Variants in PTPN13 observed in about 807,000 individuals in gnomAD.
PTPN13 encodes protein tyrosine phosphatase non-receptor type 13.
Under a neutral mutation model 284.0 loss-of-function variants are expected in PTPN13, and 191 were observed. The ratio of observed to expected loss-of-function variants is 0.67; its 90% confidence interval spans 0.60 to 0.76. The LOEUF (loss-of-function observed/expected upper bound fraction) is 0.76, where lower values mean the gene tolerates loss of function less well. PTPN13 is among the 30% of genes least tolerant of loss of function. The pLI is 0.00. For missense variants in PTPN13, 2,797 were observed against 2,939.9 expected (o/e 0.95, Z 1.12); for synonymous variants, 986 against 1,022.3 (o/e 0.96, Z 0.68).
At chr4:86,664,134 AC>A (rs1382099771) in intron 2 of PTPN13, among the ~76,000 whole-genome samples, 2 of 152,170 alleles carry the variant, frequency 1.3e-5, no homozygotes, top group African/African-American at 4.8e-5. Flanking sequence ...CAGAATTCAC[AC>A]CAAAGTCCTC....
At chr4:86,805,548 T>C (rs994183521) in intron 44 of PTPN13, among the ~76,000 whole-genome samples, 179 bp downstream of exon 44, 21 of 152,222 alleles carry the variant, frequency 1.4e-4, no homozygotes, top group African/African-American at 5.1e-4. Context: ...TTAAATTATG[T>C]AGGTATTCTG....
At chr4:86,664,267 A>G (rs564983708) in intron 2 of PTPN13, among the ~76,000 whole-genome samples, 102 of 152,316 alleles carry the variant, frequency 6.7e-4, no homozygotes, top group African/African-American at 2.3e-3. Flanking sequence ...ATCTTAAATC[A>G]TACTTGAAAA....
rs11944714 is a variant in PTPN13, at chr4:86,713,486, A to G, written c.1196-3044A>G. On this transcript the variant is annotated intron_variant, in intron 7 of 47. Transcript: ENST00000411767. The stretch of plus-strand genomic sequence containing the variant: ...ATAATGAGCCAGAGGATTATTTTAA[A>G]TTGTTTATTTTATCATAAGACTTTC... Among the ~76,000 whole-genome samples the G allele has an allele frequency of 6.7e-3, 1,024 of 152,220 alleles. 10 individuals carry two copies. The highest frequency in any genetic ancestry group is 0.022 in the African/African-American group (923 of 41,564).
At chr4:86,768,772 G>A (rs188862528) in intron 28 of PTPN13, among the ~76,000 whole-genome samples, 114 of 147,224 alleles carry the variant, frequency 7.7e-4, no homozygotes, top group Admixed American at 1.6e-3. Context: ...GTACAGTGGC[G>A]CAATCTTGGC....
chr4:86,656,261 C>A (rs1237789758), intron 2 of PTPN13, among the ~76,000 whole-genome samples: 1 of 152,232 alleles, frequency 6.6e-6, no homozygotes, highest in Non-Finnish European at 1.5e-5. Flanking sequence ...CATTCTCCAT[C>A]CAGCTTTGTT....
intron 43 of PTPN13, 81 bp from the exon 44 acceptor site, chr4:86,805,198 C>A: frequency 1.2e-6 from 1 of 823,540 alleles, no homozygotes; most frequent in Non-Finnish European, 1.9e-6. Context: ...ACCAATTTTG[C>A]CCCTACACAT....
At chr4:86,628,146 C>A (rs1722042578) in intron 1 of PTPN13, among the ~76,000 whole-genome samples, 1 of 152,094 alleles carries the variant, frequency 6.6e-6, no homozygotes, top group African/African-American at 2.4e-5. Context: ...TAACAGTTTT[C>A]CAAAGTGTGC....
intron 6 of PTPN13, among the ~76,000 whole-genome samples, chr4:86,698,038 A>G (rs900767571): frequency 3.3e-5 from 5 of 152,204 alleles, no homozygotes; most frequent in African/African-American, 1.2e-4. Flanking sequence ...TTTAACTTTT[A>G]GCAAGCTATG....
intron 6 of PTPN13, among the ~76,000 whole-genome samples, chr4:86,695,807 C>T (rs1249319562): frequency 3.3e-5 from 5 of 151,830 alleles, no homozygotes; most frequent in Non-Finnish European, 1.5e-5. Flanking sequence ...AGTTTATTTG[C>T]TTATGTGTTA....
At chr4:86,693,503 A>G (rs905805021) in intron 5 of PTPN13, 84 bp from the exon 6 acceptor site, 8 of 766,766 alleles carry the variant, frequency 1.0e-5, no homozygotes, top group Admixed American at 8.9e-5. Context: ...AAACTGTGTA[A>G]CTAGTGTCAT....
In PTPN13 at chr4:86,607,195, G is replaced by A. The variant is rs570165910; in HGVS notation, c.-6+12406G>A. 5.3e-5 allele frequency among the ~76,000 whole-genome samples: 8 copies of A among 150,372 alleles called. No individual in the cohort carries two copies. In the South Asian group the frequency reaches 1.7e-3, roughly 32 times the overall value. ...TAAATACCCTTACTACCCTAATGAG[G>A]GATATCATAAAGATTTTTATATATC... On this transcript the variant is annotated intron_variant, in intron 1 of 47. Coordinates refer to ENST00000411767, the MANE Select transcript of PTPN13 (RefSeq NM_080683.3).
At chr4:86,679,768 C>G (rs944784868) in intron 3 of PTPN13, among the ~76,000 whole-genome samples, 7 of 152,198 alleles carry the variant, frequency 4.6e-5, no homozygotes, top group Non-Finnish European at 1.0e-4. Context: ...ATCTGCACAT[C>G]AGACTGCAGT....
intron 10 of PTPN13, among the ~76,000 whole-genome samples, chr4:86,725,184 A>G (rs1290586651): frequency 6.6e-6 from 1 of 151,064 alleles, no homozygotes; most frequent in African/African-American, 2.4e-5. Flanking sequence ...TCCATGGTGT[A>G]TATGTGCCAC....
chr4:86,732,856 G>A, intron 12 of PTPN13, 90 bp downstream of exon 12: 1 of 1,113,356 alleles, frequency 9.0e-7, no homozygotes, highest in Non-Finnish European at 1.2e-6. Context: ...ACCTCATTTT[G>A]ACAATTAGTA....
At position 86,774,538 on chromosome 4, in the gene PTPN13, C is replaced by A. The variant is rs374813357; in HGVS notation, c.5508+7C>A. On this transcript the variant is annotated splice_region_variant and intron_variant, in intron 33 of 47. Coordinates refer to ENST00000411767, the MANE Select transcript of PTPN13 (RefSeq NM_080683.3). Reference sequence around the variant, plus strand: ...TGGGGACCGGCTCATAAAGGTGAGACATTTAAGAGGAATGGATTATTTGTG... The same window carrying A: ...TGGGGACCGGCTCATAAAGGTGAGAAATTTAAGAGGAATGGATTATTTGTG... The A allele has an allele frequency of 5.0e-6, 8 of 1,585,404 alleles. No individual in the cohort carries two copies. In the African/African-American group the frequency reaches 9.5e-5, roughly 19 times the overall value.
At chr4:86,764,289 G>A (rs1739033770) in intron 24 of PTPN13, among the ~76,000 whole-genome samples, 1 of 152,098 alleles carries the variant, frequency 6.6e-6, no homozygotes, top group African/African-American at 2.4e-5. Context: ...CTAGCAGTTT[G>A]ACCTGAAGCA....
In PTPN13 at chr4:86,734,316, C is replaced by A; in HGVS notation, c.1872C>A (p.Phe624Leu). 6.6e-7 allele frequency: 1 copy of A among 1,506,972 alleles called. No homozygotes were observed. The highest frequency in any genetic ancestry group is 8.9e-7 in the Non-Finnish European group (1 of 1,122,852). 93.4% of individuals were successfully genotyped at this position (1,506,972 alleles called of 1,614,324 possible). A position where few individuals can be genotyped will look rare whatever the true frequency, so the allele number is the denominator to read the frequency against. Residue 624 changes from phenylalanine (F) to leucine (L), a missense_variant, in exon 13 of 48, where the codon TTC becomes TTA. Transcript: ENST00000411767. Reference protein sequence around the residue: ...ALATLKDNEYFFVDPDLKLTK... With the variant: ...ALATLKDNEYLFVDPDLKLTK... ...CATTCTGTTTAGATAATGAATATTT[C>A]TTTGTTGATCCTGACTTAAAATTAA...
intron 40 of PTPN13, among the ~76,000 whole-genome samples, chr4:86,791,155 C>T (rs111621132): frequency 0.083 from 12,568 of 152,230 alleles, 659 homozygotes; most frequent in Non-Finnish European, 0.11. Context: ...CTGTGCTTTT[C>T]CCACAGTCCC....
chr4:86,652,997 T>G (rs1231131757), intron 2 of PTPN13, among the ~76,000 whole-genome samples: 1 of 151,974 alleles, frequency 6.6e-6, no homozygotes, highest in African/African-American at 2.4e-5. Context: ...GCTCATCAGT[T>G]TTTCCTTCTG....
Sources: allele counts gnomAD v4.1 joint callset (sites outside exome capture counted in the v4.1 genomes callset), GRCh38; gene constraint gnomAD v4.1.1; transcripts MANE v1.5; gene names NCBI Gene and HGNC (gene_info 2026-07-23, HGNC 2026-07-21).